Variants in SLIT3 observed in about 807,000 individuals in gnomAD.
SLIT3 encodes slit homolog 3 protein.
Under a neutral mutation model 184.0 loss-of-function variants are expected in SLIT3, and 68 were observed. The observed-to-expected ratio is 0.37, with a 90% CI of 0.30 to 0.45. SLIT3 has a LOEUF of 0.45. SLIT3 is among the 20% of genes least tolerant of loss of function. SLIT3 has a pLI of 1.00. For synonymous variants in SLIT3, 831 were observed against 828.6 expected, an observed-to-expected ratio of 1.00 and a Z score of -0.05; for missense variants, 1,707 against 2,026.0, an observed-to-expected ratio of 0.84 and a Z score of 3.02.
At chr5:168,755,778 C>T (rs1045818472) in intron 16 of SLIT3, among the ~76,000 whole-genome samples, 3 of 152,152 alleles carry the variant, frequency 2.0e-5, no homozygotes, top group Admixed American at 1.3e-4. Flanking sequence ...CTGAAAGCAG[C>T]CCTTCCCTCC....
intron 8 of SLIT3, among the ~76,000 whole-genome samples, chr5:168,810,450 A>G (rs1460835185): frequency 6.6e-6 from 1 of 152,210 alleles, no homozygotes; most frequent in Admixed American, 6.5e-5. Context: ...GATTAGGAGC[A>G]TGTGGACTTG....
At chr5:168,971,039 G>C (rs1393376089) in intron 4 of SLIT3, among the ~76,000 whole-genome samples, 1 of 152,182 alleles carries the variant, frequency 6.6e-6, no homozygotes, top group Non-Finnish European at 1.5e-5. Context: ...CCACAGGCCA[G>C]ATGTTACTCT....
chr5:169,054,767 G>A (rs568720089), intron 4 of SLIT3, among the ~76,000 whole-genome samples: 7 of 152,120 alleles, frequency 4.6e-5, no homozygotes, highest in Admixed American at 1.3e-4. Context: ...CTTTTCCTAC[G>A]CTTAGAATAC....
intron 20 of SLIT3, among the ~76,000 whole-genome samples, chr5:168,746,664 AGTGTGGTGGTATGGTGGT>A (rs1561907515): frequency 1.9e-4 from 3 of 15,708 alleles, no homozygotes; most frequent in African/African-American, 2.6e-4. Context: ...GTGGTGTGTG[AGTGTGGTGGTATGGTGGT>A]GTGTGGTGGT....
intron 29 of SLIT3, among the ~76,000 whole-genome samples, chr5:168,688,228 C>T (rs73322431): frequency 0.018 from 2,730 of 152,308 alleles, 82 homozygotes; most frequent in African/African-American, 0.062. Context: ...CTGGGCCCAA[C>T]AGCTGAATTC....
At chr5:169,244,881 C>A in intron 2 of SLIT3, 105 bp from the exon 3 acceptor site, 1 of 926,494 alleles carries the variant, frequency 1.1e-6, no homozygotes, top group South Asian at 1.3e-5. Context: ...TTCCCATGAT[C>A]GTCAGTGTCC....
intron 26 of SLIT3, chr5:168,706,860 A>C (rs1762386970): frequency 6.6e-6 from 1 of 152,242 alleles, no homozygotes; most frequent in African/African-American, 2.4e-5. Flanking sequence ...ACGCACACAC[A>C]ATCCCACTGG....
At chr5:169,075,638 A>G (rs1044163079) in intron 4 of SLIT3, among the ~76,000 whole-genome samples, 1 of 152,206 alleles carries the variant, frequency 6.6e-6, no homozygotes, top group African/African-American at 2.4e-5. Flanking sequence ...GCAACATTCT[A>G]GGTGGAAGCA....
At chr5:168,737,632 A>G (rs983653441) in intron 20 of SLIT3, among the ~76,000 whole-genome samples, 3 of 152,180 alleles carry the variant, frequency 2.0e-5, no homozygotes, top group African/African-American at 4.8e-5. Context: ...ATCCATGCTC[A>G]TTGTCCTTAG....
intron 5 of SLIT3, among the ~76,000 whole-genome samples, chr5:168,873,148 T>G (rs1268899576): frequency 1.3e-5 from 2 of 152,042 alleles, no homozygotes; most frequent in African/African-American, 2.4e-5. Context: ...CCGGCCAATC[T>G]CTCAGAAAAA....
At chr5:169,217,887 C>T (rs910845095) in intron 3 of SLIT3, among the ~76,000 whole-genome samples, 1 of 152,200 alleles carries the variant, frequency 6.6e-6, no homozygotes, top group African/African-American at 2.4e-5. Flanking sequence ...GATGGAATGG[C>T]AGCTGCTGTT....
chr5:168,844,496 C>G, intron 6 of SLIT3, 88 bp downstream of exon 6: 11 of 1,194,136 alleles, frequency 9.2e-6, no homozygotes, highest in Non-Finnish European at 1.4e-5. Flanking sequence ...CCTGCACACA[C>G]TCTCCCCCTC....
At chr5:169,167,518 C>A (rs773926053) in intron 4 of SLIT3, among the ~76,000 whole-genome samples, 6 of 151,854 alleles carry the variant, frequency 4.0e-5, no homozygotes, top group Non-Finnish European at 2.9e-5. Flanking sequence ...CCTCGTGATC[C>A]GCTTACATCG....
At chr5:169,198,520 T>A (rs941784542) in intron 3 of SLIT3, among the ~76,000 whole-genome samples, 4 of 152,188 alleles carry the variant, frequency 2.6e-5, no homozygotes, top group Non-Finnish European at 5.9e-5. Flanking sequence ...TAGGCAGCAG[T>A]CATACCACAA....
chr5:169,098,659 T>C (rs541171489), intron 4 of SLIT3, among the ~76,000 whole-genome samples: 7 of 152,294 alleles, frequency 4.6e-5, no homozygotes, highest in African/African-American at 1.4e-4. Context: ...GACATTGATG[T>C]GCCCACCTAC....
chr5:168,823,057 C>A (rs545581380), intron 7 of SLIT3, among the ~76,000 whole-genome samples: 1 of 152,130 alleles, frequency 6.6e-6, no homozygotes, highest in Non-Finnish European at 1.5e-5. Context: ...TGGTTCAGAA[C>A]CATGGTTGGT....
chr5:169,075,443 AT>A (rs1561646195), intron 4 of SLIT3, among the ~76,000 whole-genome samples: 1 of 152,176 alleles, frequency 6.6e-6, no homozygotes, highest in Non-Finnish European at 1.5e-5. Context: ...GTGTCTCTAA[AT>A]CCTGGAATAA....
intron 4 of SLIT3, among the ~76,000 whole-genome samples, chr5:169,166,665 C>G (rs1472454726): frequency 6.6e-6 from 1 of 152,156 alleles, no homozygotes; most frequent in African/African-American, 2.4e-5. Flanking sequence ...TATCACCTTC[C>G]TAATGCTACA....
intron 1 of SLIT3, among the ~76,000 whole-genome samples, chr5:169,259,857 C>G (rs1408070741): frequency 7.7e-6 from 1 of 129,268 alleles, no homozygotes; most frequent in Non-Finnish European, 1.5e-5. Context: ...AGCCTGGAGT[C>G]TAGCTGAGGA....
Sources: allele counts gnomAD v4.1 joint callset (sites outside exome capture counted in the v4.1 genomes callset), GRCh38; gene constraint gnomAD v4.1.1; transcripts MANE v1.5; gene names NCBI Gene and HGNC (gene_info 2026-07-23, HGNC 2026-07-21).